The following PCDH17 variants were observed in gnomAD, a reference collection of about 807,000 sequenced individuals.
PCDH17 encodes the protein protocadherin-17.
PCDH17 carries 21 observed loss-of-function variants against 67.7 expected under a neutral mutation model. The ratio of observed to expected loss-of-function variants is 0.31; its 90% CI spans 0.22 to 0.45. The LOEUF (loss-of-function observed/expected upper bound fraction) is 0.45, where lower values mean the gene tolerates loss of function less well. Among genes scored for constraint, PCDH17 ranks in the 20% least tolerant of loss-of-function variants. The probability of loss-of-function intolerance (pLI) is 1.00; values close to 1 mark genes in which losing one functional copy is unlikely to be tolerated. For synonymous variants in PCDH17, 701 were observed against 656.7 expected (o/e 1.07, Z -1.03); for missense variants, 1,471 against 1,564.8 (o/e 0.94, Z 1.01).
chr13:57,634,169 C>T lies in PCDH17; in HGVS notation c.1623C>T (p.Asn541=), dbSNP rs1056370797. 2 of 1,613,544 alleles carry T rather than the reference C, an allele frequency of 1.2e-6. No homozygotes were observed. The highest frequency in any genetic ancestry group is 1.7e-6 in the Non-Finnish European group (2 of 1,180,052). The part of the protein sequence containing the change: ...NGAIYALRSF[N]FEQTKAFEFK... The stretch of plus-strand genomic sequence containing the variant: ...CCATCTACGCCCTGCGCTCCTTTAA[C>T]TTCGAGCAGACCAAGGCTTTTGAGT... The change falls in exon 1 of 4, where the codon AAC becomes AAT. Residue 541 remains asparagine (N), a synonymous_variant. Transcript: ENST00000377918. The surrounding 1 kb of genome is among the most constrained non-coding windows in gnomAD (Gnocchi z 7.8).
chr13:57,662,069 G>A (rs972998143), intron 1 of PCDH17, among the ~76,000 whole-genome samples: 1 of 151,984 alleles, frequency 6.6e-6, no homozygotes. Flanking sequence ...TTTTCACCAT[G>A]TTGACCAGGC....
rs755006939 is a variant in PCDH17 at position 57,633,922 on chromosome 13, C to T, written c.1376C>T (p.Ala459Val). The change falls in exon 1 of 4, where the codon GCG becomes GTG. Residue 459 changes from alanine to valine, a missense_variant. Ala to Val is a moderately conservative substitution (Grantham distance 64). Coordinates refer to ENST00000377918, the MANE Select transcript of PCDH17 (RefSeq NM_001040429.3). The surrounding 1 kb of genome is among the most constrained non-coding windows in gnomAD (Gnocchi z 6.2). ...SPPLNSTKSFAIKILDENDNP... is the reference protein window; with the variant it reads ...SPPLNSTKSFVIKILDENDNP... ...CCCCTCAACTCCACCAAGTCGTTCG[C>T]GATCAAGATTCTAGACGAGAACGAC... 7 of 1,613,392 alleles carry T rather than the reference C, an allele frequency of 4.3e-6. No homozygotes were observed. The South Asian group carries it at 4.4e-5, about 10-fold the overall frequency.
intron 3 of PCDH17, among the ~76,000 whole-genome samples, chr13:57,706,497 A>G (rs1593942353): frequency 6.6e-6 from 1 of 152,098 alleles, no homozygotes; most frequent in Admixed American, 6.6e-5. Flanking sequence ...ATAACAAAGT[A>G]CCACTAACTG....
rs532781871 is a variant in PCDH17 at position 57,641,509 on chromosome 13, A to G, written c.2565+6398A>G. 2.6e-4 allele frequency among the ~76,000 whole-genome samples: 36 copies of G among 136,988 alleles called. No individual in the cohort carries two copies. In the South Asian group the frequency reaches 8.5e-3, roughly 32 times the overall value. The allele number at this position is 136,988 out of a possible 152,430, so 89.9% of individuals were successfully genotyped here. On this transcript the variant is annotated intron_variant, in intron 1 of 3. Coordinates refer to ENST00000377918, the MANE Select transcript of PCDH17 (RefSeq NM_001040429.3). The stretch of plus-strand genomic sequence containing the variant: ...TGGCATCCTTTGCTTGTATGTACCA[A>G]GTTCTTCCGGGGATAGACTATAAAA...
rs185381171 is a variant in PCDH17, at chr13:57,696,452, A to G, written c.2798-28160A>G. ...TGTGTAGAGAAATATAATAAAATAG[A>G]ATATTGATGGAAATGTTAATGTTAC... On this transcript the variant is annotated intron_variant, in intron 3 of 3. Coordinates refer to ENST00000377918, the MANE Select transcript of PCDH17 (RefSeq NM_001040429.3). Among the ~76,000 whole-genome samples the G allele has an allele frequency of 9.9e-5, 15 of 151,494 alleles. No homozygotes were observed. In the East Asian group the frequency reaches 2.9e-3, roughly 29 times the overall value.
intron 3 of PCDH17, among the ~76,000 whole-genome samples, chr13:57,697,339 T>C (rs1316567458): frequency 1.3e-5 from 2 of 151,744 alleles, no homozygotes; most frequent in African/African-American, 4.8e-5. Context: ...AAATCTAAGA[T>C]GGTTTTCTTT....
At chr13:57,723,949 A>C (rs566537721) in intron 3 of PCDH17, among the ~76,000 whole-genome samples, 58 of 152,300 alleles carry the variant, frequency 3.8e-4, no homozygotes, top group African/African-American at 1.3e-3. Flanking sequence ...ACTTACACCC[A>C]AAACAAAAAG....
At chr13:57,653,758 C>T (rs951882126) in intron 1 of PCDH17, among the ~76,000 whole-genome samples, 3 of 151,992 alleles carry the variant, frequency 2.0e-5, no homozygotes, top group African/African-American at 7.2e-5. Context: ...TGGAAAGAAC[C>T]GGTATTTACT....
chr13:57,721,273 T>A (rs1955869565), intron 3 of PCDH17, among the ~76,000 whole-genome samples: 1 of 152,148 alleles, frequency 6.6e-6, no homozygotes, highest in Non-Finnish European at 1.5e-5. Context: ...AAGTAATATC[T>A]TGGCAATCCC....
Position 57,634,643 on chromosome 13 carries a change from G to GC in PCDH17, c.2098dup (p.His700ProfsTer67). Reference sequence around the variant, plus strand: ...GGGTACCACGGGTGAATGGCGAGCAGCACCACTGGGACATGTCGCTGCCGC... The same window carrying GC: ...GGGTACCACGGGTGAATGGCGAGCAGCCACCACTGGGACATGTCGCTGCCGC... On this transcript the variant is annotated frameshift_variant, in exon 1 of 4. Coordinates refer to ENST00000377918, the MANE Select transcript of PCDH17 (RefSeq NM_001040429.3). LOFTEE classifies it high-confidence loss of function. This position sits in a 1 kb window ranked among gnomAD's most constrained non-coding sequence, Gnocchi z 7.8. 3.7e-6 allele frequency: 6 copies of GC among 1,613,466 alleles called. No individual in the cohort carries two copies. Among genetic ancestry groups the GC allele is most frequent in the Non-Finnish European group, 5.1e-6 (6 of 1,180,010 alleles).
chr13:57,665,579 C>T (rs773957584), intron 1 of PCDH17, among the ~76,000 whole-genome samples: 1 of 152,030 alleles, frequency 6.6e-6, no homozygotes, highest in Admixed American at 6.6e-5. Flanking sequence ...ATGCAGGAAA[C>T]AGGAGAAGCT....
At chr13:57,665,177 G>GGC (rs1219053927) in intron 1 of PCDH17, among the ~76,000 whole-genome samples, 2 of 146,778 alleles carry the variant, frequency 1.4e-5, no homozygotes, top group African/African-American at 5.1e-5. Context: ...ATTTGTGGGG[G>GGC]GGGTTTCTGT....
At chr13:57,693,315 CATAT>C (rs59643529) in intron 3 of PCDH17, among the ~76,000 whole-genome samples, 6,352 of 89,330 alleles carry the variant, frequency 0.071, 372 homozygotes, top group Middle Eastern at 0.21. Context: ...CACTTACATT[CATAT>C]ATATATATAT....
chr13:57,725,130 A>G lies in PCDH17; in HGVS notation c.3316A>G (p.Arg1106Gly). ...AAGGGTCTTTGCAGATGTGCATTCC[A>G]GAGCCAGCCGGGATTCCAGTGAGAT... ...MARVFADVHS[R>G]ASRDSSEMGA... The change falls in exon 4 of 4, where the codon AGA becomes GGA. Residue 1106 changes from arginine (R) to glycine (G), a missense_variant. Arg to Gly is a moderately radical substitution (Grantham distance 125). Coordinates refer to ENST00000377918, the MANE Select transcript of PCDH17 (RefSeq NM_001040429.3). The G allele has an allele frequency of 6.2e-7, 1 of 1,614,172 alleles. No homozygotes were observed. Among genetic ancestry groups the G allele is most frequent in the South Asian group, 1.1e-5 (1 of 91,080 alleles).
At chr13:57,695,549 G>A (rs909648272) in intron 3 of PCDH17, among the ~76,000 whole-genome samples, 4 of 151,074 alleles carry the variant, frequency 2.6e-5, no homozygotes, top group Non-Finnish European at 4.5e-5. Flanking sequence ...GTCTTCAGTG[G>A]AAAGAAATGT....
Position 57,633,942 on chromosome 13 carries a change from A to C in PCDH17, c.1396A>C (p.Asn466His), listed in dbSNP as rs746719630. Residue 466 changes from asparagine to histidine, a missense_variant, in exon 1 of 4, where the codon AAC (asparagine) becomes CAC (histidine). Around this residue, in one of 3 missense-constraint regions of PCDH17, gnomAD observed 1,163 missense variants for 1,230.0 expected, o/e 0.95. Coordinates refer to ENST00000377918, the MANE Select transcript of PCDH17 (RefSeq NM_001040429.3). This position sits in a 1 kb window ranked among gnomAD's most constrained non-coding sequence, Gnocchi z 6.2. ...GTTCGCGATCAAGATTCTAGACGAGAACGACAACCCGCCTCGGTTCACCAA... is the reference window on the plus strand; with the variant it reads ...GTTCGCGATCAAGATTCTAGACGAGCACGACAACCCGCCTCGGTTCACCAA... ...KSFAIKILDE[N>H]DNPPRFTKGL... 2 of 1,613,396 alleles carry C rather than the reference A, an allele frequency of 1.2e-6. No homozygotes were observed. Among genetic ancestry groups the C allele is most frequent in the Non-Finnish European group, 1.7e-6 (2 of 1,180,004 alleles).
intron 3 of PCDH17, among the ~76,000 whole-genome samples, chr13:57,717,513 T>C (rs1955829271): frequency 6.6e-6 from 1 of 151,976 alleles, no homozygotes; most frequent in African/African-American, 2.4e-5. Context: ...CCTGAAGGTG[T>C]GCAGGTGCAT....
At chr13:57,645,030 T>C (rs1203657522) in intron 1 of PCDH17, among the ~76,000 whole-genome samples, 3 of 151,590 alleles carry the variant, frequency 2.0e-5, no homozygotes, top group Non-Finnish European at 4.4e-5. Flanking sequence ...GTAAAAAATA[T>C]ATTAATACTG....
rs1442363525 is a variant in PCDH17, at chr13:57,632,420, A to T, written c.-127A>T. 1.1e-5 allele frequency: 10 copies of T among 934,748 alleles called. No homozygotes were observed. In the Admixed American group the frequency reaches 1.1e-4, roughly 10 times the overall value. 57.9% of individuals were successfully genotyped at this position (934,748 alleles called of 1,614,324 possible). On this transcript the variant is annotated 5_prime_UTR_variant, in exon 1 of 4. Transcript: ENST00000377918. ...GGTGCCGCAGCTCGGGTGCAGAGGGAAAAAAGGACCCATAGACTTGTGGCT... is the reference window on the plus strand; with the variant it reads ...GGTGCCGCAGCTCGGGTGCAGAGGGTAAAAAGGACCCATAGACTTGTGGCT...
Sources: allele counts gnomAD v4.1 joint callset (sites outside exome capture counted in the v4.1 genomes callset), GRCh38; gene constraint gnomAD v4.1.1; regional missense constraint gnomAD v4.1.1; non-coding constraint Gnocchi (gnomAD v3.1); transcripts MANE v1.5; gene names NCBI Gene and HGNC (gene_info 2026-07-23, HGNC 2026-07-21).